The following RDX variants were observed in gnomAD, a reference collection of about 807,000 sequenced individuals.
RDX encodes the protein radixin, also known as deafness, autosomal recessive 24.
Under a neutral mutation model 83.7 loss-of-function variants are expected in RDX, and 32 were observed. The ratio of observed to expected loss-of-function variants is 0.38; its 90% CI spans 0.29 to 0.51. The LOEUF (loss-of-function observed/expected upper bound fraction) is 0.51, where lower values mean the gene tolerates loss of function less well. Ranked by LOEUF, RDX falls within the 20% of genes least tolerant of loss-of-function variation. The pLI, the probability that RDX is intolerant of heterozygous loss-of-function variation, is 0.87. For missense variants in RDX, 600 were observed against 689.9 expected, an observed-to-expected ratio of 0.87 and a Z score of 1.46; for synonymous variants, 229 against 222.7, an observed-to-expected ratio of 1.03 and a Z score of -0.25.
At chr11:110,199,228 G>C (rs951332942) in intron 15 of RDX, among the ~76,000 whole-genome samples, 1 of 152,092 alleles carries the variant, frequency 6.6e-6, no homozygotes, top group African/African-American at 2.4e-5. Context: ...CTTTCTAAAG[G>C]TAAGAGAATC....
intron 1 of RDX, among the ~76,000 whole-genome samples, chr11:110,281,979 C>G (rs1365911550): frequency 7.2e-6 from 1 of 138,136 alleles, no homozygotes; most frequent in East Asian, 2.1e-4. Flanking sequence ...AAAAAAAAAA[C>G]GAGCCAGGCA....
intron 1 of RDX, among the ~76,000 whole-genome samples, chr11:110,282,091 AAAAC>A (rs761694179): frequency 1.3e-5 from 2 of 152,270 alleles, no homozygotes; most frequent in East Asian, 1.9e-4. Flanking sequence ...CCCATCTCAA[AAAAC>A]AAACAAACAA....
chr11:110,201,903 T>TGTGTGTGTGTGTG (rs1863419936), intron 14 of RDX, among the ~76,000 whole-genome samples: 5 of 137,220 alleles, frequency 3.6e-5, no homozygotes, highest in Non-Finnish European at 7.9e-5. Context: ...CCGGCTAATT[T>TGTGTGTGTGTGTG]TGTGTGTGTG....
intron 14 of RDX, among the ~76,000 whole-genome samples, chr11:110,207,841 C>T (rs995870462): frequency 1.3e-5 from 2 of 152,160 alleles, no homozygotes; most frequent in African/African-American, 2.4e-5. Flanking sequence ...TCATAAAGAT[C>T]ATTTGCCCTA....
chr11:110,263,562 GAAAA>G (rs34908137), intron 5 of RDX: 96 of 151,874 alleles, frequency 6.3e-4, no homozygotes, highest in South Asian at 1.6e-3. Context: ...TTAAAATCTG[GAAAA>G]AAAAAAAAAA....
intron 3 of RDX, among the ~76,000 whole-genome samples, chr11:110,268,287 T>C (rs1269421698): frequency 7.1e-6 from 1 of 141,710 alleles, no homozygotes; most frequent in African/African-American, 2.7e-5. Flanking sequence ...CCAGCCTGGG[T>C]GACAGAGTAA....
At chr11:110,212,698 T>C (rs1863883068) in intron 14 of RDX, among the ~76,000 whole-genome samples, 1 of 98,620 alleles carries the variant, frequency 1.0e-5, no homozygotes, top group African/African-American at 4.0e-5. Flanking sequence ...AATCAATAAA[T>C]GTAATCCAGC....
intron 1 of RDX, among the ~76,000 whole-genome samples, chr11:110,287,758 C>T (rs1042247177): frequency 1.3e-5 from 2 of 152,160 alleles, no homozygotes; most frequent in Non-Finnish European, 2.9e-5. Context: ...AACTGCCCTC[C>T]CCCTTCCTGC....
chr11:110,251,066 T>TC (rs917337709), intron 9 of RDX, among the ~76,000 whole-genome samples: 16 of 152,180 alleles, frequency 1.1e-4, no homozygotes, highest in Non-Finnish European at 2.9e-5. Context: ...TCTGAACGTA[T>TC]CTCTTGCTCT....
chr11:110,225,817 C>A (rs769088876), downstream of RDX, among the ~76,000 whole-genome samples: 5 of 151,512 alleles, frequency 3.3e-5, no homozygotes, highest in Non-Finnish European at 5.9e-5. Context: ...GAGGCCAAGG[C>A]GGGCAGATCA....
chr11:110,273,891 T>C (rs1445995232), intron 2 of RDX, among the ~76,000 whole-genome samples: 1 of 152,222 alleles, frequency 6.6e-6, no homozygotes, highest in African/African-American at 2.4e-5. Context: ...TAAAATTTTA[T>C]ATTAATACGT....
At chr11:110,228,256 C>A (rs896825112), downstream of RDX, among the ~76,000 whole-genome samples, 2 of 151,980 alleles carry the variant, frequency 1.3e-5, no homozygotes, top group Non-Finnish European at 2.9e-5. Context: ...GGTCAGGCTG[C>A]CTGAATATTT....
chr11:110,177,581 G>C (rs1471774024), intron 15 of RDX, among the ~76,000 whole-genome samples: 1 of 152,118 alleles, frequency 6.6e-6, no homozygotes, highest in Non-Finnish European at 1.5e-5. Context: ...CATCACCTTT[G>C]CCTCACCTTT....
In RDX at chr11:110,231,780, G is replaced by T; in HGVS notation, c.*89C>A. 7.0e-7 allele frequency: 1 copy of T among 1,428,422 alleles called. No individual in the cohort carries two copies. Among genetic ancestry groups the T allele is most frequent in the Non-Finnish European group, 9.8e-7 (1 of 1,019,682 alleles). The allele number at this position is 1,428,422 out of a possible 1,614,324, so 88.5% of individuals were successfully genotyped here. On this transcript the variant is annotated 3_prime_UTR_variant, in exon 14 of 14. Transcript: ENST00000645495. ...AAACTGGTGTAAGTGCTTTGGCAAG[G>T]TGGGATGCATTCCATCATATCTGCA...
intron 14 of RDX, among the ~76,000 whole-genome samples, chr11:110,207,879 G>A (rs1209857386): frequency 6.6e-6 from 1 of 151,902 alleles, no homozygotes; most frequent in Admixed American, 6.6e-5. Flanking sequence ...GAATCTACTA[G>A]TCTAAAAGCA....
intron 14 of RDX, among the ~76,000 whole-genome samples, chr11:110,215,046 AAAAAT>A (rs71053868): frequency 0.023 from 2,187 of 93,936 alleles, 21 homozygotes; most frequent in Non-Finnish European, 0.037. Context: ...CAAAAAAAAA[AAAAAT>A]ATATATATAT....
chr11:110,265,108 T>C (rs12576697), intron 3 of RDX, among the ~76,000 whole-genome samples: 2 of 83,256 alleles, frequency 2.4e-5, no homozygotes, highest in Non-Finnish European at 6.1e-5. Context: ...TTTTTTTTTT[T>C]GTTTTTTTTT....
In RDX at chr11:110,255,293, GCC is replaced by G. The variant is rs1039193414; in HGVS notation, c.789_790del (p.Lys263AsnfsTer3). 2 of 1,507,120 alleles carry G rather than the reference GCC, an allele frequency of 1.3e-6. No homozygotes were observed. Among genetic ancestry groups the G allele is most frequent in the Non-Finnish European group, 1.8e-6 (2 of 1,084,322 alleles). 93.4% of individuals were successfully genotyped at this position (1,507,120 alleles called of 1,614,324 possible). On this transcript the variant is annotated frameshift_variant, in exon 8 of 14. Transcript: ENST00000645495. LOFTEE classifies it high-confidence loss of function. The stretch of plus-strand genomic sequence containing the variant: ...AATATTAAAGAAATTACTTACAGGT[GCC>G]TTTTTGTCGATTGGCTTTATAACAA...
At chr11:110,242,403 C>T (rs1394394567) in intron 10 of RDX, among the ~76,000 whole-genome samples, 3 of 148,506 alleles carry the variant, frequency 2.0e-5, no homozygotes, top group Non-Finnish European at 3.0e-5. Context: ...AATCGCACTC[C>T]AGCCTAGGGG....
Sources: allele counts gnomAD v4.1 joint callset (sites outside exome capture counted in the v4.1 genomes callset), GRCh38; gene constraint gnomAD v4.1.1; transcripts MANE v1.5; gene names NCBI Gene and HGNC (gene_info 2026-07-23, HGNC 2026-07-21).